The following SLC10A7 variants were observed in gnomAD, a reference collection of about 807,000 sequenced individuals.
SLC10A7 encodes the protein sodium/bile acid cotransporter 7.
A neutral mutation model predicts 43.2 loss-of-function variants in SLC10A7; 29 were observed. The ratio of observed to expected loss-of-function variants is 0.67; its 90% CI spans 0.50 to 0.92. The LOEUF is 0.92. Among genes scored for constraint, SLC10A7 ranks in the 40% least tolerant of loss-of-function variants. The pLI, the probability that SLC10A7 is intolerant of heterozygous loss-of-function variation, is 0.00. For missense variants in SLC10A7, 295 were observed against 403.2 expected, an observed-to-expected ratio of 0.73 and a Z score of 2.30; for synonymous variants, 152 against 144.8, an observed-to-expected ratio of 1.05 and a Z score of -0.35.
chr4:146,257,744 A>G (rs182671874), intron 11 of SLC10A7, among the ~76,000 whole-genome samples: 55 of 152,334 alleles, frequency 3.6e-4, no homozygotes, highest in Non-Finnish European at 3.7e-4. Flanking sequence ...ACAGAGAAGT[A>G]AAGTATGCCC....
chr4:146,446,752 CT>C (rs1731126133), intron 4 of SLC10A7, among the ~76,000 whole-genome samples: 1 of 145,810 alleles, frequency 6.9e-6, no homozygotes, highest in Non-Finnish European at 1.5e-5. Flanking sequence ...ATCTATCTAT[CT>C]ATCTATCTAT....
At chr4:146,358,628 TA>T (rs1461956598) in intron 5 of SLC10A7, among the ~76,000 whole-genome samples, 2 of 152,166 alleles carry the variant, frequency 1.3e-5, no homozygotes, top group African/African-American at 4.8e-5. Context: ...AGAACTCTCT[TA>T]ATGCCTGCCT....
chr4:146,477,743 C>G (rs1247648428), intron 4 of SLC10A7: 2 of 152,126 alleles, frequency 1.3e-5, no homozygotes, highest in African/African-American at 2.4e-5. Flanking sequence ...CTAAAAATCA[C>G]CACTCTAAAA....
intron 11 of SLC10A7, 109 bp from the exon 12 acceptor site, chr4:146,256,629 C>T (rs1270031306): frequency 8.3e-7 from 1 of 1,205,076 alleles, no homozygotes; most frequent in Non-Finnish European, 1.2e-6. Flanking sequence ...GAGGCCCACC[C>T]AGATGGCATC....
chr4:146,299,055 A>AAAGATTAAG (rs1237415501), intron 7 of SLC10A7, among the ~76,000 whole-genome samples: 1 of 152,264 alleles, frequency 6.6e-6, no homozygotes, highest in Non-Finnish European at 1.5e-5. Context: ...ATCACCAATA[A>AAAGATTAAG]AAGATTAAGA....
At chr4:146,286,683 G>C (rs1484847931) in intron 9 of SLC10A7, among the ~76,000 whole-genome samples, 1 of 150,520 alleles carries the variant, frequency 6.6e-6, no homozygotes, top group Non-Finnish European at 1.5e-5. Context: ...ACCGTGTCTG[G>C]AGTGGTGAGG....
chr4:146,264,518 G>A (rs1212335060), intron 10 of SLC10A7, among the ~76,000 whole-genome samples: 1 of 152,124 alleles, frequency 6.6e-6, no homozygotes, highest in Non-Finnish European at 1.5e-5. Context: ...TCTGCTATAT[G>A]TGAGTTACTG....
At chr4:146,366,795 A>T (rs1191864280) in intron 5 of SLC10A7, among the ~76,000 whole-genome samples, 1 of 152,084 alleles carries the variant, frequency 6.6e-6, no homozygotes, top group African/African-American at 2.4e-5. Context: ...TTTTCCCTTC[A>T]TTTGGAAATA....
At position 146,294,027 on chromosome 4, in the gene SLC10A7, A is replaced by G. The variant is rs779538231; in HGVS notation, c.624T>C (p.Ser208=). The change falls in exon 8 of 12, where the codon AGT becomes AGC. Residue 208 remains serine, a synonymous_variant. Transcript: ENST00000335472. ...TTGTGTAGATGATCATGAGGAGTAC[A>G]CTGCTGCTGATAGCACCAAAAGGAG... The part of the protein sequence containing the change: ...KKPPFGAISS[S]VLLMIIYTTF... 6.2e-7 allele frequency: 1 copy of G among 1,612,274 alleles called. No homozygotes were observed.
intron 5 of SLC10A7, among the ~76,000 whole-genome samples, chr4:146,383,981 T>C (rs999116615): frequency 6.6e-6 from 1 of 152,124 alleles, no homozygotes; most frequent in East Asian, 1.9e-4. Flanking sequence ...AACTGTGTAA[T>C]TTAGGGGAAG....
intron 5 of SLC10A7, among the ~76,000 whole-genome samples, chr4:146,359,718 G>A (rs979819040): frequency 6.6e-6 from 1 of 152,104 alleles, no homozygotes; most frequent in Non-Finnish European, 1.5e-5. Flanking sequence ...AATCCTCCTA[G>A]TGAGTATGTG....
intron 5 of SLC10A7, among the ~76,000 whole-genome samples, chr4:146,342,081 T>C (rs1578932388): frequency 6.6e-6 from 1 of 151,848 alleles, no homozygotes; most frequent in East Asian, 1.9e-4. Context: ...CCTAGCGTTC[T>C]TAACTTATTC....
intron 5 of SLC10A7, among the ~76,000 whole-genome samples, chr4:146,382,647 T>G (rs1290057894): frequency 6.6e-6 from 1 of 152,196 alleles, no homozygotes; most frequent in Admixed American, 6.6e-5. Flanking sequence ...ATGCTCATGA[T>G]GGACTGAGCA....
rs1421124151 is a variant in SLC10A7, at chr4:146,350,444, G to C, written c.436-24448C>G. Among the ~76,000 whole-genome samples the C allele has an allele frequency of 3.6e-5, 5 of 140,444 alleles. 1 individual carries two copies. Among genetic ancestry groups the C allele is most frequent in the African/African-American group, 8.3e-5 (3 of 36,222 alleles). The allele number at this position is 140,444 out of a possible 152,430, so 92.1% of individuals were successfully genotyped here. A position where few individuals can be genotyped will look rare whatever the true frequency, so the allele number is the denominator to read the frequency against. On this transcript the variant is annotated intron_variant, in intron 5 of 11. Transcript: ENST00000335472. Reference sequence around the variant, plus strand: ...TGAGATCAAACTGTAAGGCGGCAGCGAGGCTGGGGGAGGGGCGCCCGCCAT... The same window carrying C: ...TGAGATCAAACTGTAAGGCGGCAGCCAGGCTGGGGGAGGGGCGCCCGCCAT...
At chr4:146,279,433 G>C (rs1345343680) in intron 10 of SLC10A7, among the ~76,000 whole-genome samples, 2 of 152,128 alleles carry the variant, frequency 1.3e-5, no homozygotes, top group East Asian at 3.9e-4. Flanking sequence ...TTGACTGACT[G>C]TGCACTAAGC....
intron 4 of SLC10A7, among the ~76,000 whole-genome samples, chr4:146,455,360 T>G (rs1228352014): frequency 6.6e-6 from 1 of 151,786 alleles, no homozygotes; most frequent in Non-Finnish European, 1.5e-5. Flanking sequence ...TGAACTAAGC[T>G]CTCAGCACAC....
At chr4:146,406,676 C>T (rs1021151092) in intron 5 of SLC10A7, among the ~76,000 whole-genome samples, 1 of 152,122 alleles carries the variant, frequency 6.6e-6, no homozygotes, top group Non-Finnish European at 1.5e-5. Flanking sequence ...TTCCTAGGAT[C>T]CTTCCTTAAG....
At chr4:146,371,680 T>C (rs2630277) in intron 5 of SLC10A7, among the ~76,000 whole-genome samples, 1,594 of 152,322 alleles carry the variant, frequency 0.01, 23 homozygotes, top group African/African-American at 0.036. Context: ...ATAAACTGCC[T>C]ACCTGGTGCT....
intron 5 of SLC10A7, among the ~76,000 whole-genome samples, chr4:146,351,597 C>G (rs374157198): frequency 1.9e-3 from 281 of 151,726 alleles, no homozygotes; most frequent in East Asian, 9.1e-3. Context: ...ATTCACCAAA[C>G]TTGAAATGAA....
Sources: gnomAD v4.1 joint callset for allele counts (sites outside exome capture counted in the v4.1 genomes callset) on GRCh38, gnomAD v4.1.1 for gene constraint, MANE v1.5 for transcripts, NCBI Gene and HGNC (gene_info 2026-07-23, HGNC 2026-07-21) for gene names.